Variants in ANGPT2 observed in about 807,000 individuals in gnomAD.
The protein encoded by ANGPT2 is angiopoietin 2, also known as angiopoietin-2.
In ANGPT2, 28 loss-of-function variants were observed where a neutral mutation model predicts 62.9. That is an observed-to-expected ratio of 0.44 (90% CI 0.33 to 0.61). The LOEUF (loss-of-function observed/expected upper bound fraction) is 0.61. Among genes scored for constraint, ANGPT2 ranks in the 20% least tolerant of loss-of-function variants. The pLI is 0.03. For synonymous variants in ANGPT2, 284 were observed against 207.8 expected (o/e 1.37, Z -3.15); for missense variants, 727 against 594.9 (o/e 1.22, Z -2.31).
intron 2 of ANGPT2, among the ~76,000 whole-genome samples, chr8:6,528,850 G>C (rs1031369279): frequency 2.6e-5 from 4 of 152,206 alleles, no homozygotes; most frequent in Non-Finnish European, 5.9e-5. Flanking sequence ...TTCAGGGATG[G>C]TCTTATCCTT....
chr8:6,518,148 C>T (rs192217786), intron 5 of ANGPT2, among the ~76,000 whole-genome samples: 1 of 152,226 alleles, frequency 6.6e-6, no homozygotes, highest in African/African-American at 2.4e-5. Context: ...ATAGATGAAA[C>T]AATGTGATGG....
chr8:6,505,949 ATG>A (rs1813609725), intron 8 of ANGPT2, among the ~76,000 whole-genome samples: 1 of 50,076 alleles, frequency 2.0e-5, no homozygotes, highest in African/African-American at 1.2e-4. Context: ...TTCTTTATAT[ATG>A]TATATATAAA....
chr8:6,527,516 T>G (rs1447377660), intron 3 of ANGPT2, 39 bp downstream of exon 3: 2 of 1,599,182 alleles, frequency 1.3e-6, no homozygotes, highest in Non-Finnish European at 1.7e-6. Context: ...CTGGAAAGTG[T>G]GCAGTCCTGA....
chr8:6,506,134 T>C (rs1439884294), intron 8 of ANGPT2, among the ~76,000 whole-genome samples: 1 of 151,856 alleles, frequency 6.6e-6, no homozygotes, highest in Non-Finnish European at 1.5e-5. Context: ...GTGACTTCAT[T>C]TGATTCAGGT....
At chr8:6,550,003 G>A (rs1005362661) in intron 1 of ANGPT2, among the ~76,000 whole-genome samples, 2 of 152,234 alleles carry the variant, frequency 1.3e-5, no homozygotes, top group African/African-American at 4.8e-5. Context: ...TTGCCCAGGT[G>A]ATCATTCGGG....
intron 3 of ANGPT2, among the ~76,000 whole-genome samples, chr8:6,523,158 A>G (rs1205405113): frequency 6.6e-6 from 1 of 151,960 alleles, no homozygotes; most frequent in African/African-American, 2.4e-5. Context: ...TCACCATGTC[A>G]GGCTAACTTT....
intron 8 of ANGPT2, among the ~76,000 whole-genome samples, chr8:6,504,650 C>T (rs1812912890): frequency 6.6e-6 from 1 of 152,038 alleles, no homozygotes; most frequent in Non-Finnish European, 1.5e-5. Context: ...GGTGAAAGTT[C>T]CTGACTTAAT....
chr8:6,500,172 C>G lies in ANGPT2; in HGVS notation c.*2929G>C. The stretch of plus-strand genomic sequence containing the variant: ...CAAAGAAAATTTGACGATTAACATC[C>G]TCAGAACTGAGAAAAACAAAAATGA... On this transcript the variant is annotated 3_prime_UTR_variant, in exon 9 of 9. Transcript: ENST00000629816. 2.0e-6 allele frequency: 1 copy of G among 505,904 alleles called. No homozygotes were observed. Among genetic ancestry groups the G allele is most frequent in the Non-Finnish European group, 3.6e-6 (1 of 279,244 alleles). 31.3% of individuals were successfully genotyped at this position (505,904 alleles called of 1,614,324 possible). A position where few individuals can be genotyped will look rare whatever the true frequency, so the allele number is the denominator to read the frequency against.
chr8:6,505,009 T>A (rs1047344952), intron 8 of ANGPT2, among the ~76,000 whole-genome samples: 76 of 151,572 alleles, frequency 5.0e-4, no homozygotes, highest in Non-Finnish European at 2.6e-4. Flanking sequence ...TTATATTAAT[T>A]TTTAAAATAG....
Position 6,519,605 on chromosome 8 carries a change from A to G in ANGPT2, c.927+259T>C, listed in dbSNP as rs145179556. The stretch of plus-strand genomic sequence containing the variant: ...AGTATGCATTATTCAAGCAAAATGC[A>G]AGGAGAATGTATTTCTTGCCGAAGA... On this transcript the variant is annotated intron_variant, in intron 5 of 8. Transcript: ENST00000629816. Among the ~76,000 whole-genome samples the G allele has an allele frequency of 1.6e-4, 24 of 152,336 alleles. No individual in the cohort carries two copies. The East Asian group carries it at 4.2e-3, about 27-fold the overall frequency.
chr8:6,557,810 C>T (rs1172103702), intron 1 of ANGPT2, among the ~76,000 whole-genome samples: 1 of 151,988 alleles, frequency 6.6e-6, no homozygotes, highest in Admixed American at 6.5e-5. Flanking sequence ...AATTGGAAAA[C>T]AGTCTGTCCG....
intron 4 of ANGPT2, 49 bp downstream of exon 4, chr8:6,521,129 A>G: frequency 6.7e-7 from 1 of 1,495,846 alleles, no homozygotes; most frequent in Non-Finnish European, 9.2e-7. Context: ...TGAGTGTTTT[A>G]CTGACTAAAG....
rs556519372 is a variant in ANGPT2, at chr8:6,521,519, A to G, written c.567-109T>C. ...ACTCTGTTAAGATATTGTAGTGGTTATAAAGTAATATGATGTTACCAGAGC... is the reference window on the plus strand; with the variant it reads ...ACTCTGTTAAGATATTGTAGTGGTTGTAAAGTAATATGATGTTACCAGAGC... On this transcript the variant is annotated intron_variant, in intron 3 of 8. Coordinates refer to ENST00000629816, the MANE Select transcript of ANGPT2 (RefSeq NM_001118887.2). 72 of 800,558 alleles carry G rather than the reference A, an allele frequency of 9.0e-5. No individual in the cohort carries two copies. The East Asian group carries it at 1.6e-3, about 18-fold the overall frequency. 49.6% of individuals were successfully genotyped at this position (800,558 alleles called of 1,614,324 possible).
intron 8 of ANGPT2, among the ~76,000 whole-genome samples, chr8:6,507,167 G>A (rs2129565226): frequency 6.6e-6 from 1 of 152,254 alleles, no homozygotes; most frequent in East Asian, 1.9e-4. Context: ...CAAAGTGCTG[G>A]GATTACAAGC....
At chr8:6,547,650 C>CT (rs1366033598) in intron 1 of ANGPT2, among the ~76,000 whole-genome samples, 1 of 152,018 alleles carries the variant, frequency 6.6e-6, no homozygotes, top group East Asian at 1.9e-4. Flanking sequence ...CAGTGAGTGC[C>CT]TTTGAGTGAC....
chr8:6,523,857 A>G (rs2515454), intron 3 of ANGPT2, among the ~76,000 whole-genome samples: 11,372 of 150,456 alleles, frequency 0.076, 513 homozygotes, highest in African/African-American at 0.12. Flanking sequence ...AAAGTGCTGG[A>G]ATTACAGGCA....
intron 1 of ANGPT2, among the ~76,000 whole-genome samples, chr8:6,546,044 G>A (rs997862148): frequency 2.0e-5 from 3 of 152,216 alleles, no homozygotes; most frequent in Non-Finnish European, 4.4e-5. Flanking sequence ...AACACACCCG[G>A]TGTGAGTCCC....
chr8:6,547,378 G>A (rs1412939145), intron 1 of ANGPT2, among the ~76,000 whole-genome samples: 1 of 152,026 alleles, frequency 6.6e-6, no homozygotes, highest in Admixed American at 6.6e-5. Flanking sequence ...CCTTGCATAT[G>A]TGTCTCTTGC....
chr8:6,525,293 C>T (rs191241982), intron 3 of ANGPT2, among the ~76,000 whole-genome samples: 1 of 152,270 alleles, frequency 6.6e-6, no homozygotes, highest in East Asian at 1.9e-4. Flanking sequence ...GGGGGTCTGT[C>T]TTTGTTGCCC....
Sources: gnomAD v4.1 joint callset for allele counts (sites outside exome capture counted in the v4.1 genomes callset) on GRCh38, gnomAD v4.1.1 for gene constraint, MANE v1.5 for transcripts, NCBI Gene and HGNC (gene_info 2026-07-23, HGNC 2026-07-21) for gene names.